The following ADGRF5 variants were observed in gnomAD, a reference collection of about 807,000 sequenced individuals.
ADGRF5 encodes adhesion G protein-coupled receptor F5.
Under a neutral mutation model 132.3 loss-of-function variants are expected in ADGRF5, and 75 were observed. That is an observed-to-expected ratio of 0.57 (90% CI 0.47 to 0.69). The LOEUF is 0.69. Among genes scored for constraint, ADGRF5 ranks in the 30% least tolerant of loss-of-function variants. ADGRF5 has a pLI of 0.00. For missense variants in ADGRF5, 1,516 were observed against 1,630.6 expected (o/e 0.93, Z 1.21); for synonymous variants, 629 against 597.6 (o/e 1.05, Z -0.77).
At position 46,868,914 on chromosome 6, in the gene ADGRF5, C is replaced by G; in HGVS notation, c.1590G>C (p.Leu530=). 4 of 1,613,008 alleles carry G rather than the reference C, an allele frequency of 2.5e-6. No homozygotes were observed. Among genetic ancestry groups the G allele is most frequent in the Non-Finnish European group, 2.5e-6 (3 of 1,179,034 alleles). ...ACTCCCTGGTCGAGGTCTTGACTGT[C>G]AGTACTGATTCTGCTCCATCAAGAT... The part of the protein sequence containing the change: ...RRYLDGAESV[L]TVKTSTREWN... The change falls in exon 12 of 21, where the codon CTG becomes CTC. Residue 530 remains leucine (L), a synonymous_variant. Transcript: ENST00000283296.
At chr6:46,944,026 T>C (rs1778203061) in intron 1 of ADGRF5, among the ~76,000 whole-genome samples, 1 of 152,194 alleles carries the variant, frequency 6.6e-6, no homozygotes. Context: ...CTGGTAGATA[T>C]TTTCTAAACA....
chr6:46,911,278 G>A (rs1042862993), intron 1 of ADGRF5, among the ~76,000 whole-genome samples: 4 of 152,192 alleles, frequency 2.6e-5, no homozygotes, highest in African/African-American at 9.7e-5. Flanking sequence ...TATGTAATAA[G>A]CATCTATAAT....
At chr6:46,941,416 GAA>G (rs1554129996) in intron 1 of ADGRF5, among the ~76,000 whole-genome samples, 2 of 36,038 alleles carry the variant, frequency 5.5e-5, no homozygotes, top group African/African-American at 2.2e-4. Context: ...GAAAAGAAAA[GAA>G]AAGAAAAGAA....
chr6:46,858,772 T>G lies in ADGRF5; in HGVS notation c.3131A>C (p.Asn1044Thr). ...EAVVWKSVTK[N>T]RTSYMRHTCI... ...GGTGTGGCGCATATAAGAAGTCCGG[T>G]TCTTGGTCACCGATTTCCACACCAC... is the stretch of plus-strand genomic sequence containing the variant. Residue 1044 changes from asparagine to threonine, a missense_variant, in exon 17 of 21, where the codon AAC (asparagine) becomes ACC (threonine). Transcript: ENST00000283296. The G allele has an allele frequency of 6.2e-7, 1 of 1,613,240 alleles. No individual in the cohort carries two copies. Among genetic ancestry groups the G allele is most frequent in the Non-Finnish European group, 8.5e-7 (1 of 1,179,652 alleles).
In ADGRF5 at chr6:46,858,655, T is replaced by C. The variant is rs1308490246; in HGVS notation, c.3248A>G (p.Lys1083Arg). 4.3e-6 allele frequency: 7 copies of C among 1,614,164 alleles called. No homozygotes were observed. Among genetic ancestry groups the C allele is most frequent in the Non-Finnish European group, 5.9e-6 (7 of 1,180,030 alleles). Reference protein sequence around the residue: ...AIQDNRYILCKTACVAATFFI... With the variant: ...AIQDNRYILCRTACVAATFFI... Reference sequence around the variant, plus strand: ...GAAGGTGGCAGCCACACAGGCTGTCTTGCAGAGTATGTAGCGATTGTCCTG... The same window carrying C: ...GAAGGTGGCAGCCACACAGGCTGTCCTGCAGAGTATGTAGCGATTGTCCTG... Residue 1083 changes from lysine to arginine, a missense_variant, in exon 17 of 21, where the codon AAG (lysine) becomes AGG (arginine). This residue lies in a region of ADGRF5 where 571 missense variants were observed against 701.2 expected (regional missense o/e 0.81). Coordinates refer to ENST00000283296, the MANE Select transcript of ADGRF5 (RefSeq NM_001098518.2).
At chr6:46,870,585 T>C (rs143055105) in intron 11 of ADGRF5, among the ~76,000 whole-genome samples, 6 of 152,342 alleles carry the variant, frequency 3.9e-5, no homozygotes, top group Non-Finnish European at 5.9e-5. Context: ...TGTCCCTGCA[T>C]TGCCCTCCCC....
intron 4 of ADGRF5, among the ~76,000 whole-genome samples, chr6:46,887,250 C>G (rs998118585): frequency 6.6e-6 from 1 of 152,138 alleles, no homozygotes; most frequent in South Asian, 2.1e-4. Context: ...ATTTGGGAAG[C>G]AAAATTGACT....
intron 11 of ADGRF5, chr6:46,869,303 G>T: frequency 7.1e-7 from 1 of 1,406,922 alleles, no homozygotes; most frequent in Non-Finnish European, 9.2e-7. Flanking sequence ...GCTCTGCACT[G>T]TACTCATTTC....
intron 1 of ADGRF5, among the ~76,000 whole-genome samples, chr6:46,931,334 T>A (rs927196970): frequency 6.6e-6 from 1 of 152,134 alleles, no homozygotes; most frequent in African/African-American, 2.4e-5. Context: ...CTAGATCTCA[T>A]CTCCACCTCT....
intron 1 of ADGRF5, among the ~76,000 whole-genome samples, chr6:46,941,436 G>GAAAAGAA (rs1778070483): frequency 1.8e-5 from 1 of 54,910 alleles, no homozygotes; most frequent in African/African-American, 5.6e-5. Flanking sequence ...GAAAAGAAAA[G>GAAAAGAA]AAAAGAAAAG....
intron 1 of ADGRF5, among the ~76,000 whole-genome samples, chr6:46,919,499 G>C (rs1330858462): frequency 6.6e-6 from 1 of 152,214 alleles, no homozygotes. Flanking sequence ...CCTCATTAAC[G>C]TGAGGAGGTG....
In ADGRF5 at chr6:46,853,511, C is replaced by T. The variant is rs901838552; in HGVS notation, c.*481G>A. 5 of 154,582 alleles carry T rather than the reference C, an allele frequency of 3.2e-5. No individual in the cohort carries two copies. Among genetic ancestry groups the T allele is most frequent in the South Asian group, 2.0e-4 (1 of 4,970 alleles). 9.6% of individuals were successfully genotyped at this position (154,582 alleles called of 1,614,324 possible). A position where few individuals can be genotyped will look rare whatever the true frequency, so the allele number is the denominator to read the frequency against. ...TTAATGTTGTTTGTCTTTATTTGTT[C>T]CTATTTTCATCTTTCTCTTTTTCTT... is the stretch of plus-strand genomic sequence containing the variant. On this transcript the variant is annotated 3_prime_UTR_variant, in exon 21 of 21. Transcript: ENST00000283296.
intron 14 of ADGRF5, among the ~76,000 whole-genome samples, chr6:46,864,268 C>G (rs1263078427): frequency 6.6e-6 from 1 of 152,148 alleles, no homozygotes; most frequent in Non-Finnish European, 1.5e-5. Flanking sequence ...ACTTTCACCT[C>G]AAAGATATTA....
intron 4 of ADGRF5, among the ~76,000 whole-genome samples, chr6:46,887,515 G>T (rs1309772258): frequency 6.6e-6 from 1 of 152,178 alleles, no homozygotes; most frequent in Non-Finnish European, 1.5e-5. Flanking sequence ...CAAAAGGAGT[G>T]ATAAGGGAGC....
chr6:46,868,858 A>G (rs749587800), intron 12 of ADGRF5, 25 bp downstream of exon 12: 5 of 1,465,022 alleles, frequency 3.4e-6, no homozygotes, highest in Non-Finnish European at 9.5e-7. Flanking sequence ...AGGCAGCACA[A>G]TACGGTGTCC....
At position 46,862,396 on chromosome 6, in the gene ADGRF5, G is replaced by A. The variant is rs146249682; in HGVS notation, c.2199+492C>T. Among the ~76,000 whole-genome samples the A allele has an allele frequency of 2.8e-4, 43 of 152,284 alleles. No homozygotes were observed. The East Asian group carries it at 6.6e-3, about 23-fold the overall frequency. ...TATTATAGGTAAGAGAGGCAGGGTA[G>A]TTGCTTCTTCAAAAGCACAAGTTAC... On this transcript the variant is annotated intron_variant, in intron 15 of 20. Transcript: ENST00000283296.
At chr6:46,941,438 AAAG>A (rs1257144525) in intron 1 of ADGRF5, among the ~76,000 whole-genome samples, 6 of 49,862 alleles carry the variant, frequency 1.2e-4, no homozygotes, top group African/African-American at 3.6e-4. Flanking sequence ...AAAGAAAAGA[AAAG>A]AAAAGAAAAG....
chr6:46,928,477 G>C (rs1489437306), intron 1 of ADGRF5, among the ~76,000 whole-genome samples: 2 of 152,050 alleles, frequency 1.3e-5, no homozygotes, highest in African/African-American at 4.8e-5. Flanking sequence ...GGGATATTCT[G>C]ACCACCTCTT....
rs78777390 is a variant in ADGRF5 at position 46,936,164 on chromosome 6, G to A, written c.-25+18570C>T. Among the ~76,000 whole-genome samples, 1,239 of 152,308 alleles carry A rather than the reference G, an allele frequency of 8.1e-3. 15 individuals are homozygous for A. Among genetic ancestry groups the A allele is most frequent in the African/African-American group, 0.028 (1,176 of 41,552 alleles). ...ATTCTCTCCTCACCCCCATTTTACA[G>A]ATGAGGAAAATCAGTCTCAGAGAGG... is the stretch of plus-strand genomic sequence containing the variant. On this transcript the variant is annotated intron_variant, in intron 1 of 20. Transcript: ENST00000265417.
Sources: gnomAD v4.1 joint callset for allele counts (sites outside exome capture counted in the v4.1 genomes callset) on GRCh38, gnomAD v4.1.1 for gene constraint, gnomAD v4.1.1 regional missense constraint, MANE v1.5 for transcripts, NCBI Gene and HGNC (gene_info 2026-07-23, HGNC 2026-07-21) for gene names.